CHST8: variants seen among roughly 807,000 people sequenced by gnomAD.
CHST8 encodes the protein carbohydrate sulfotransferase 8, also known as GALNAC-4-ST1.
A neutral mutation model predicts 15.0 loss-of-function variants in CHST8; 10 were observed. The ratio of observed to expected loss-of-function variants is 0.67; its 90% CI spans 0.41 to 1.13. The LOEUF is 1.13. Ranked by LOEUF, CHST8 falls within the 50% of genes most tolerant of loss-of-function variation. CHST8 has a pLI of 0.00. For synonymous variants in CHST8, 259 were observed against 256.6 expected (o/e 1.01, Z -0.09); for missense variants, 634 against 608.2 (o/e 1.04, Z -0.45).
intron 2 of CHST8, among the ~76,000 whole-genome samples, chr19:33,676,977 T>C (rs2145239455): frequency 6.6e-6 from 1 of 152,226 alleles, no homozygotes; most frequent in Non-Finnish European, 1.5e-5. Context: ...ATTTGAAACA[T>C]AATTTTTATT....
intron 3 of CHST8, among the ~76,000 whole-genome samples, chr19:33,762,057 G>T (rs1974741506): frequency 6.6e-6 from 1 of 152,224 alleles, no homozygotes; most frequent in African/African-American, 2.4e-5. Flanking sequence ...TCCTCGGCAT[G>T]CCTGGTGTGA....
At chr19:33,662,227 G>A (rs553573366) in intron 1 of CHST8, among the ~76,000 whole-genome samples, 3 of 152,074 alleles carry the variant, frequency 2.0e-5, no homozygotes, top group South Asian at 2.1e-4. Context: ...TAAGACGCGC[G>A]CCACCATGCC....
chr19:33,654,184 G>A (rs988835796), intron 1 of CHST8, among the ~76,000 whole-genome samples: 3 of 152,058 alleles, frequency 2.0e-5, no homozygotes, highest in African/African-American at 7.2e-5. Context: ...GGAATTCTAC[G>A]GAGAGTGTTG....
At chr19:33,644,726 G>A (rs1427241423) in intron 1 of CHST8, among the ~76,000 whole-genome samples, 2 of 152,136 alleles carry the variant, frequency 1.3e-5, no homozygotes, top group African/African-American at 4.8e-5. Context: ...GGGCAACGGA[G>A]CAAGACCCTG....
At chr19:33,655,957 T>G (rs1972505679) in intron 1 of CHST8, among the ~76,000 whole-genome samples, 1 of 152,198 alleles carries the variant, frequency 6.6e-6, no homozygotes, top group African/African-American at 2.4e-5. Flanking sequence ...AAGTTGAACA[T>G]CTGTCCAGGT....
intron 1 of CHST8, among the ~76,000 whole-genome samples, chr19:33,651,016 A>T (rs1972442147): frequency 6.6e-6 from 1 of 152,122 alleles, no homozygotes; most frequent in Admixed American, 6.6e-5. Flanking sequence ...TTTCATATTA[A>T]ATATATGATT....
chr19:33,771,239 TG>T (rs1974976760), intron 3 of CHST8, among the ~76,000 whole-genome samples, 173 bp from the exon 4 acceptor site: 1 of 152,146 alleles, frequency 6.6e-6, no homozygotes, highest in Non-Finnish European at 1.5e-5. Flanking sequence ...ATTTTCTGCA[TG>T]GGTAGGGGAT....
chr19:33,735,999 C>T (rs1298320608), intron 3 of CHST8, among the ~76,000 whole-genome samples: 3 of 152,238 alleles, frequency 2.0e-5, no homozygotes, highest in Admixed American at 2.0e-4. Context: ...CTCCCTGCTG[C>T]AGGGCCAGGG....
intron 1 of CHST8, among the ~76,000 whole-genome samples, chr19:33,660,593 G>A (rs550052481): frequency 9.9e-5 from 15 of 152,242 alleles, no homozygotes; most frequent in African/African-American, 3.1e-4. Context: ...ACTTGCCAGC[G>A]CCATGACAGT....
chr19:33,699,050 C>T (rs996180870), intron 3 of CHST8, among the ~76,000 whole-genome samples: 5 of 152,200 alleles, frequency 3.3e-5, no homozygotes, highest in African/African-American at 7.2e-5. Flanking sequence ...CCCTGCTCCC[C>T]GTTGGGCTGG....
chr19:33,704,808 G>A (rs1172565015), intron 3 of CHST8, among the ~76,000 whole-genome samples: 1 of 151,898 alleles, frequency 6.6e-6, no homozygotes, highest in African/African-American at 2.4e-5. Context: ...TATTTAGGAG[G>A]CCGAGGCAGG....
At chr19:33,693,060 G>A (rs1354007170) in intron 3 of CHST8, among the ~76,000 whole-genome samples, 1 of 148,330 alleles carries the variant, frequency 6.7e-6, no homozygotes, top group Admixed American at 6.8e-5. Context: ...AGGCTGGAGT[G>A]CAATGGTGCG....
chr19:33,661,434 G>C (rs1336635652), intron 1 of CHST8, among the ~76,000 whole-genome samples: 9 of 152,224 alleles, frequency 5.9e-5, no homozygotes, highest in Non-Finnish European at 1.3e-4. Flanking sequence ...CTCTGTCTCT[G>C]GTCCCTTGTG....
intron 3 of CHST8, among the ~76,000 whole-genome samples, chr19:33,739,147 A>C (rs1319189438): frequency 6.6e-6 from 1 of 152,212 alleles, no homozygotes; most frequent in Non-Finnish European, 1.5e-5. Flanking sequence ...AAAGAGGAAA[A>C]TGAAAGTTCT....
chr19:33,640,497 C>G (rs1972269430), intron 1 of CHST8, among the ~76,000 whole-genome samples: 1 of 152,206 alleles, frequency 6.6e-6, no homozygotes, highest in South Asian at 2.1e-4. Context: ...GCTCTGTGGC[C>G]TTGAGAGCCC....
intron 3 of CHST8, among the ~76,000 whole-genome samples, chr19:33,704,588 T>C (rs1034907442): frequency 3.3e-5 from 5 of 152,214 alleles, no homozygotes; most frequent in Admixed American, 6.5e-5. Context: ...CAGGTCATCC[T>C]TTTTGTTTTT....
chr19:33,656,336 C>A (rs182631471), intron 1 of CHST8, among the ~76,000 whole-genome samples: 1 of 152,196 alleles, frequency 6.6e-6, no homozygotes, highest in African/African-American at 2.4e-5. Context: ...TAAACTGTAA[C>A]ATCCCATCAG....
At chr19:33,637,017 G>A (rs1972213053) in intron 1 of CHST8, among the ~76,000 whole-genome samples, 1 of 152,216 alleles carries the variant, frequency 6.6e-6, no homozygotes, top group African/African-American at 2.4e-5. Context: ...CAAAACAAGG[G>A]ATGGATTGTT....
intron 3 of CHST8, among the ~76,000 whole-genome samples, chr19:33,718,173 G>A (rs1973699158): frequency 6.6e-6 from 1 of 151,952 alleles, no homozygotes; most frequent in Admixed American, 6.6e-5. Context: ...TCCCGCCAGG[G>A]GTGCAGTAGG....
Sources: gnomAD v4.1 joint callset for allele counts (sites outside exome capture counted in the v4.1 genomes callset) on GRCh38, gnomAD v4.1.1 for gene constraint, MANE v1.5 for transcripts, NCBI Gene and HGNC (gene_info 2026-07-23, HGNC 2026-07-21) for gene names.